Variants in GPHN observed in about 807,000 individuals in gnomAD.
GPHN encodes the protein gephyrin.
A neutral mutation model predicts 95.5 loss-of-function variants in GPHN; 17 were observed. The ratio of observed to expected loss-of-function variants is 0.18; its 90% CI spans 0.12 to 0.27. The LOEUF is 0.27. GPHN is among the 10% of genes least tolerant of loss of function. GPHN has a pLI of 1.00. For missense variants in GPHN, 660 were observed against 978.1 expected, an observed-to-expected ratio of 0.67 and a Z score of 4.34; for synonymous variants, 320 against 322.5, an observed-to-expected ratio of 0.99 and a Z score of 0.08.
chr14:66,886,903 G>T (rs1344782569), intron 5 of GPHN, among the ~76,000 whole-genome samples: 1 of 152,166 alleles, frequency 6.6e-6, no homozygotes, highest in Non-Finnish European at 1.5e-5. Flanking sequence ...TAGAGGTTCA[G>T]TGCAGACAAC....
the GPHN span, among the ~76,000 whole-genome samples, chr14:67,305,574 C>T: frequency 1.3e-5 from 2 of 152,344 alleles, no homozygotes; most frequent in South Asian, 4.1e-4. Context: ...AGCCACAATG[C>T]CCAGCCAAGA....
At chr14:67,257,649 TTATA>T in the GPHN span, among the ~76,000 whole-genome samples, 19 of 152,266 alleles carry the variant, frequency 1.2e-4, no homozygotes, top group Admixed American at 5.9e-4. Flanking sequence ...CACACGTATT[TTATA>T]TATGTATATA....
At chr14:67,431,113 G>A in the GPHN span, among the ~76,000 whole-genome samples, 1 of 152,160 alleles carries the variant, frequency 6.6e-6, no homozygotes. Flanking sequence ...GTTCAGCATA[G>A]GCTGGGCGTG....
At chr14:67,534,683 C>G in the GPHN span, among the ~76,000 whole-genome samples, 1 of 152,038 alleles carries the variant, frequency 6.6e-6, no homozygotes, top group South Asian at 2.1e-4. Context: ...CCTGTGGCCC[C>G]AAACTCATTG....
At chr14:67,278,071 C>G in the GPHN span, among the ~76,000 whole-genome samples, 1 of 148,122 alleles carries the variant, frequency 6.8e-6, no homozygotes, top group African/African-American at 2.5e-5. Context: ...GAGTCTCGCT[C>G]TGTCACCCAG....
the GPHN span, among the ~76,000 whole-genome samples, chr14:67,555,065 G>A: frequency 6.6e-5 from 10 of 151,916 alleles, no homozygotes; most frequent in East Asian, 7.7e-4. Flanking sequence ...GGCGCACACC[G>A]CCACGCTCAG....
At chr14:66,777,083 TAA>T (rs763738096) in intron 3 of GPHN, among the ~76,000 whole-genome samples, 2,037 of 107,376 alleles carry the variant, frequency 0.019, 19 homozygotes, top group Non-Finnish European at 0.025. Flanking sequence ...GCAAGACTAA[TAA>T]AAAAAAAAAA....
At chr14:66,929,724 T>G (rs1596403185) in intron 8 of GPHN, among the ~76,000 whole-genome samples, 1 of 152,064 alleles carries the variant, frequency 6.6e-6, no homozygotes, top group East Asian at 1.9e-4. Flanking sequence ...TCTTTTTTTC[T>G]TTTTTGAGAT....
the GPHN span, chr14:67,332,914 T>G: frequency 8.7e-6 from 14 of 1,613,746 alleles, no homozygotes; most frequent in Admixed American, 1.7e-5. Context: ...TTAACAAACT[T>G]GATACTGAAC....
intron 4 of GPHN, among the ~76,000 whole-genome samples, chr14:66,860,144 T>A (rs911700205): frequency 6.6e-6 from 1 of 152,040 alleles, no homozygotes; most frequent in Non-Finnish European, 1.5e-5. Flanking sequence ...CTAAGCAGAT[T>A]TAACTCAAAG....
chr14:66,555,583 A>G (rs1243797508), intron 1 of GPHN, among the ~76,000 whole-genome samples: 3 of 152,136 alleles, frequency 2.0e-5, no homozygotes, highest in African/African-American at 7.2e-5. Flanking sequence ...TGATGGTACT[A>G]CCAAATACAT....
the GPHN span, among the ~76,000 whole-genome samples, chr14:67,688,420 T>G: frequency 5.3e-5 from 8 of 152,184 alleles, no homozygotes; most frequent in Non-Finnish European, 1.5e-5. Flanking sequence ...GATACTGTGT[T>G]GGAGTTTCAG....
chr14:66,606,400 T>C (rs972001648), intron 1 of GPHN, among the ~76,000 whole-genome samples: 8 of 152,184 alleles, frequency 5.3e-5, no homozygotes, highest in Non-Finnish European at 1.2e-4. Context: ...TATAGCCTTA[T>C]AGTATAGTTT....
chr14:66,731,465 TG>T (rs2071760781), intron 2 of GPHN, among the ~76,000 whole-genome samples: 1 of 152,244 alleles, frequency 6.6e-6, no homozygotes, highest in Non-Finnish European at 1.5e-5. Flanking sequence ...TCTTGGTAAC[TG>T]GAGCAAAGGT....
chr14:67,090,123 A>G (rs915838111), intron 12 of GPHN, among the ~76,000 whole-genome samples: 1 of 152,158 alleles, frequency 6.6e-6, no homozygotes, highest in Non-Finnish European at 1.5e-5. Flanking sequence ...CAAGGTTGAT[A>G]TCATTGAAGA....
At chr14:67,374,387 C>T in the GPHN span, 4 of 712,970 alleles carry the variant, frequency 5.6e-6, no homozygotes, top group African/African-American at 5.4e-5. Context: ...CAATCAAACA[C>T]TTAATTTGGT....
the GPHN span, chr14:67,579,832 C>T: frequency 1.2e-6 from 2 of 1,608,026 alleles, no homozygotes; most frequent in East Asian, 2.2e-5. Context: ...CACGGACGAT[C>T]CCTCGGGCAG....
At chr14:67,609,888 C>G in the GPHN span, among the ~76,000 whole-genome samples, 321 of 132,358 alleles carry the variant, frequency 2.4e-3, no homozygotes, top group Non-Finnish European at 3.6e-3. Flanking sequence ...GGAGAAAGGG[C>G]GAGTCTGCAC....
chr14:66,636,033 G>A (rs182057027), intron 1 of GPHN, among the ~76,000 whole-genome samples: 1 of 152,176 alleles, frequency 6.6e-6, no homozygotes, highest in Admixed American at 6.5e-5. Context: ...TTTGTTTAAT[G>A]TGTATTTGTT....
Sources: gnomAD v4.1 joint callset for allele counts (sites outside exome capture counted in the v4.1 genomes callset) on GRCh38, gnomAD v4.1.1 for gene constraint, MANE v1.5 for transcripts, NCBI Gene and HGNC (gene_info 2026-07-23, HGNC 2026-07-21) for gene names.